Variants in AAMP observed in about 807,000 individuals in gnomAD.
The protein encoded by AAMP is angio-associated migratory cell protein.
A neutral mutation model predicts 51.1 loss-of-function variants in AAMP; 12 were observed. The ratio of observed to expected loss-of-function variants is 0.23; its 90% CI spans 0.15 to 0.38. The LOEUF (loss-of-function observed/expected upper bound fraction) is 0.38, where lower values mean the gene tolerates loss of function less well. AAMP is among the 10% of genes least tolerant of loss of function. The pLI, the probability that AAMP is intolerant of heterozygous loss-of-function variation, is 1.00. For missense variants in AAMP, 418 were observed against 557.2 expected (o/e 0.75, Z 2.52); for synonymous variants, 210 against 218.7 (o/e 0.96, Z 0.35).
rs768828659 is a variant in AAMP at position 218,269,625 on chromosome 2, A to G, written c.122-91T>C. On this transcript the variant is annotated intron_variant, in intron 1 of 10. Coordinates refer to ENST00000248450, the MANE Select transcript of AAMP (RefSeq NM_001087.5). ...AGGAGGCCTGAGGCTGGGGCGGGTC[A>G]TGTGGCGAGAAGGGAAGGTGGAGTC... 10 of 1,600,910 alleles carry G rather than the reference A, an allele frequency of 6.2e-6. No individual in the cohort carries two copies. The African/African-American group carries it at 9.4e-5, about 15-fold the overall frequency.
rs765066264 is a variant in AAMP at position 218,266,081 on chromosome 2, G to T, written c.746C>A (p.Pro249His). Residue 249 changes from proline to histidine, a missense_variant, in exon 6 of 11, where the codon CCT (proline) becomes CAT (histidine). Pro to His is a moderately conservative substitution (Grantham distance 77). Coordinates refer to ENST00000248450, the MANE Select transcript of AAMP (RefSeq NM_001087.5). This position sits in a 1 kb window ranked among gnomAD's most constrained non-coding sequence, Gnocchi z 4.7. ...IRIWDLKQGS[P>H]IHVLKGTEGH... ...TCTGATACCTTTCAGTACATGGATA[G>T]GGCTTCCCTGCTTCAGGTCCCAAAT... 6.2e-7 allele frequency: 1 copy of T among 1,614,168 alleles called. No individual in the cohort carries two copies. The highest frequency in any genetic ancestry group is 8.5e-7 in the Non-Finnish European group (1 of 1,180,018).
Position 218,265,754 on chromosome 2 carries a change from G to C in AAMP, c.880-72C>G. The C allele has an allele frequency of 2.5e-6, 4 of 1,576,472 alleles. No homozygotes were observed. Among genetic ancestry groups the C allele is most frequent in the Non-Finnish European group, 2.6e-6 (3 of 1,149,038 alleles). ...GATGGAGAGAAAGACGGTGGGGAGA[G>C]GAGACAGTGAAGACCCAGGAAGGAA... On this transcript the variant is annotated intron_variant, in intron 7 of 10. Coordinates refer to ENST00000248450, the MANE Select transcript of AAMP (RefSeq NM_001087.5). The surrounding 1 kb of genome is among the most constrained non-coding windows in gnomAD (Gnocchi z 6.6).
At position 218,267,057 on chromosome 2, in the gene AAMP, G is replaced by T; in HGVS notation, c.395-71C>A. On this transcript the variant is annotated intron_variant, in intron 3 of 10. Transcript: ENST00000248450. The surrounding 1 kb of genome is among the most constrained non-coding windows in gnomAD (Gnocchi z 4.6). ...CTGGTGCTGGGGGCATGTGATTCTG[G>T]TATCTGGCCCACTGAAAGGACCAGC... The T allele has an allele frequency of 1.3e-6, 2 of 1,575,220 alleles. No homozygotes were observed. Among genetic ancestry groups the T allele is most frequent in the Admixed American group, 3.5e-5 (2 of 57,948 alleles).
Position 218,266,433 on chromosome 2 carries a change from G to A in AAMP, c.679+10C>T. Reference sequence around the variant, plus strand: ...ACCCAGGAAAGGTCACTCAAGGGAGGTGCTCTCACCATCAGGGAGGACTCG... The same window carrying A: ...ACCCAGGAAAGGTCACTCAAGGGAGATGCTCTCACCATCAGGGAGGACTCG... On this transcript the variant is annotated intron_variant, in intron 5 of 10. Coordinates refer to ENST00000248450, the MANE Select transcript of AAMP (RefSeq NM_001087.5). This position sits in a 1 kb window ranked among gnomAD's most constrained non-coding sequence, Gnocchi z 4.7. 1 of 1,613,166 alleles carries A rather than the reference G, an allele frequency of 6.2e-7. No individual in the cohort carries two copies. Among genetic ancestry groups the A allele is most frequent in the Non-Finnish European group, 8.5e-7 (1 of 1,179,334 alleles).
rs1292783614 is a variant in AAMP, at chr2:218,265,191, C to T, written c.1075-17G>A. ...GATGCCCGACTGCCCCGAGGAATGACAGAGGCAGGGCGGAGGTTGGCAGGA... is the reference window on the plus strand; with the variant it reads ...GATGCCCGACTGCCCCGAGGAATGATAGAGGCAGGGCGGAGGTTGGCAGGA... On this transcript the variant is annotated splice_polypyrimidine_tract_variant and intron_variant, in intron 9 of 10. Coordinates refer to ENST00000248450, the MANE Select transcript of AAMP (RefSeq NM_001087.5). This position sits in a 1 kb window ranked among gnomAD's most constrained non-coding sequence, Gnocchi z 6.6. The T allele has an allele frequency of 6.4e-7, 1 of 1,574,286 alleles. No homozygotes were observed. The highest frequency in any genetic ancestry group is 1.8e-5 in the Admixed American group (1 of 56,626).
rs753181072 is a variant in AAMP at position 218,269,488 on chromosome 2, C to T, written c.168G>A (p.Glu56=). 2 of 1,614,248 alleles carry T rather than the reference C, an allele frequency of 1.2e-6. No homozygotes were observed. The highest frequency in any genetic ancestry group is 1.1e-5 in the South Asian group (1 of 91,084). Residue 56 remains glutamate (E), a synonymous_variant, in exon 2 of 11, where the codon GAG becomes GAA. Coordinates refer to ENST00000248450, the MANE Select transcript of AAMP (RefSeq NM_001087.5). ...AGCCCTCTTCGTTGCCCTCTTCCTC[C>T]TCTTCTTCCTCAAAGTCCACATCTT... The part of the protein sequence containing the change: ...EMEDVDFEEE[E]EEEGNEEGWV...
rs1190106877 is a variant in AAMP at position 218,265,280 on chromosome 2, A to G, written c.1074+91T>C. On this transcript the variant is annotated intron_variant, in intron 9 of 10. Transcript: ENST00000248450. This position sits in a 1 kb window ranked among gnomAD's most constrained non-coding sequence, Gnocchi z 6.6. ...CAGCCACACACAAGGGCCAGGCAGG[A>G]GCCAGATCTGGGGTAGATGCTCCTG... 6.5e-7 allele frequency: 1 copy of G among 1,549,046 alleles called. No individual in the cohort carries two copies. Among genetic ancestry groups the G allele is most frequent in the African/African-American group, 1.4e-5 (1 of 73,484 alleles).
rs1416232982 is a variant in AAMP at position 218,269,953 on chromosome 2, C to G, written c.121+13G>C. 5.0e-6 allele frequency: 8 copies of G among 1,613,832 alleles called. No homozygotes were observed. The highest frequency in any genetic ancestry group is 6.8e-6 in the Non-Finnish European group (8 of 1,179,924). On this transcript the variant is annotated intron_variant, in intron 1 of 10. Coordinates refer to ENST00000248450, the MANE Select transcript of AAMP (RefSeq NM_001087.5). ...GTCTCCTGTCCCATGGCCTGAGGAGCGGCAGTTCTCACCTGGGTCCGGCGG... is the reference window on the plus strand; with the variant it reads ...GTCTCCTGTCCCATGGCCTGAGGAGGGGCAGTTCTCACCTGGGTCCGGCGG...
In AAMP at chr2:218,266,900, A is replaced by T. The variant is rs138058625; in HGVS notation, c.481T>A (p.Trp161Arg). Residue 161 changes from tryptophan to arginine, a missense_variant, in exon 4 of 11, where the codon TGG (tryptophan) becomes AGG (arginine). Physicochemically the swap from Trp to Arg is moderately radical, Grantham distance 101. Transcript: ENST00000248450. This position sits in a 1 kb window ranked among gnomAD's most constrained non-coding sequence, Gnocchi z 4.7. ...ACCTCCTCCTTAGTGTCCACCTGCCACACTTTCAAGAGGCCACTCATGTCC... is the reference window on the plus strand; with the variant it reads ...ACCTCCTCCTTAGTGTCCACCTGCCTCACTTTCAAGAGGCCACTCATGTCC... Reference protein sequence around the residue: ...TGDMSGLLKVWQVDTKEEVWS... With the variant: ...TGDMSGLLKVRQVDTKEEVWS... 155 of 1,614,008 alleles carry T rather than the reference A, an allele frequency of 9.6e-5. No homozygotes were observed. Among genetic ancestry groups the T allele is most frequent in the Non-Finnish European group, 1.2e-4 (143 of 1,180,034 alleles).
intron 1 of AAMP, 102 bp from the exon 2 acceptor site, chr2:218,269,636 AG>A: frequency 6.3e-7 from 1 of 1,587,612 alleles, no homozygotes; most frequent in Non-Finnish European, 8.6e-7. Flanking sequence ...TGTGGCGAGA[AG>A]GGAAGGTGGA....
At position 218,269,765 on chromosome 2, in the gene AAMP, G is replaced by T. The variant is rs1034158331; in HGVS notation, c.121+201C>A. 2.4e-5 allele frequency: 24 copies of T among 1,001,294 alleles called. No homozygotes were observed. The Admixed American group carries it at 4.9e-4, about 20-fold the overall frequency. 62.0% of individuals were successfully genotyped at this position (1,001,294 alleles called of 1,614,324 possible). A position where few individuals can be genotyped will look rare whatever the true frequency, so the allele number is the denominator to read the frequency against. On this transcript the variant is annotated intron_variant, in intron 1 of 10. Transcript: ENST00000248450. ...ATGATGGGAAGGGGGTGTGTGAGGG[G>T]AAGGGCCAGAGGAGGCGTCAGGGAA...
At position 218,265,005 on chromosome 2, in the gene AAMP, G is replaced by A. The variant is rs1690587473; in HGVS notation, c.1229+15C>T. 6.2e-7 allele frequency: 1 copy of A among 1,613,504 alleles called. No homozygotes were observed. Among genetic ancestry groups the A allele is most frequent in the South Asian group, 1.1e-5 (1 of 91,090 alleles). On this transcript the variant is annotated intron_variant, in intron 10 of 10. Coordinates refer to ENST00000248450, the MANE Select transcript of AAMP (RefSeq NM_001087.5). The surrounding 1 kb of genome is among the most constrained non-coding windows in gnomAD (Gnocchi z 6.6). Reference sequence around the variant, plus strand: ...CAAATACACAAAGATCCCAGCCCTTGGCCAATTCACTTACTTGCTGAGGGC... The same window carrying A: ...CAAATACACAAAGATCCCAGCCCTTAGCCAATTCACTTACTTGCTGAGGGC...
Position 218,269,301 on chromosome 2 carries a change from A to G in AAMP, c.274+81T>C. 5 of 1,565,172 alleles carry G rather than the reference A, an allele frequency of 3.2e-6. No individual in the cohort carries two copies. The South Asian group carries it at 5.6e-5, about 17-fold the overall frequency. ...CATCTTGCCCATCTCTGTGTCCCCC[A>G]TAACGTTCTGTCCATGGCTGATGTT... On this transcript the variant is annotated intron_variant, in intron 2 of 10. Coordinates refer to ENST00000248450, the MANE Select transcript of AAMP (RefSeq NM_001087.5).
rs1474627664 is a variant in AAMP, at chr2:218,264,587, G to A, written c.1251C>T (p.Thr417=). 1 of 1,613,950 alleles carries A rather than the reference G, an allele frequency of 6.2e-7. No individual in the cohort carries two copies. Among genetic ancestry groups the A allele is most frequent in the East Asian group, 2.2e-5 (1 of 44,886 alleles). ...CTTTCGCTTTGTGGTCTCCTGACGT[G>A]GTCACCACCAGGGAGGCATCTCTGT... ...ALSKDASLVV[T]TSGDHKAKVF... Residue 417 remains threonine (T), a synonymous_variant, in exon 11 of 11, where the codon ACC becomes ACT. Coordinates refer to ENST00000248450, the MANE Select transcript of AAMP (RefSeq NM_001087.5).
Position 218,270,124 on chromosome 2 carries a change from C to T in AAMP, c.-38G>A, listed in dbSNP as rs995470973. The T allele has an allele frequency of 3.7e-6, 6 of 1,610,016 alleles. No homozygotes were observed. In the South Asian group the frequency reaches 4.4e-5, roughly 12 times the overall value. On this transcript the variant is annotated 5_prime_UTR_variant, in exon 1 of 11. Transcript: ENST00000248450. ...GCGGATCCACTTCTCTGGGCCCAAACGCCTCCCAGAGTCAGCTCTGCGCGA... is the reference window on the plus strand; with the variant it reads ...GCGGATCCACTTCTCTGGGCCCAAATGCCTCCCAGAGTCAGCTCTGCGCGA...
chr2:218,264,687 A>G, intron 10 of AAMP, 79 bp from the exon 11 acceptor site: 1 of 1,267,752 alleles, frequency 7.9e-7, no homozygotes, highest in Non-Finnish European at 1.2e-6. Flanking sequence ...GGGCTCCTCC[A>G]GCACACCCTC....
chr2:218,265,695 G>A lies in AAMP; in HGVS notation c.880-13C>T. 1.2e-6 allele frequency: 2 copies of A among 1,610,030 alleles called. No homozygotes were observed. Among genetic ancestry groups the A allele is most frequent in the Non-Finnish European group, 1.7e-6 (2 of 1,178,188 alleles). On this transcript the variant is annotated splice_polypyrimidine_tract_variant and intron_variant, in intron 7 of 10. Coordinates refer to ENST00000248450, the MANE Select transcript of AAMP (RefSeq NM_001087.5). This position sits in a 1 kb window ranked among gnomAD's most constrained non-coding sequence, Gnocchi z 6.6. Reference sequence around the variant, plus strand: ...AAACACCCACCACCTGAAAGCCAGAGAGGATCAGAGGAGGACACGGAATCC... The same window carrying A: ...AAACACCCACCACCTGAAAGCCAGAAAGGATCAGAGGAGGACACGGAATCC...
rs368077868 is a variant in AAMP, at chr2:218,265,500, T to A, written c.984-39A>T. On this transcript the variant is annotated intron_variant, in intron 8 of 10. Transcript: ENST00000248450. This position sits in a 1 kb window ranked among gnomAD's most constrained non-coding sequence, Gnocchi z 6.6. Reference sequence around the variant, plus strand: ...CGTACCATGAAGACTCATGAGGGCCTGGACTCACACGCCCTGCCGTCCTCC... The same window carrying A: ...CGTACCATGAAGACTCATGAGGGCCAGGACTCACACGCCCTGCCGTCCTCC... The A allele has an allele frequency of 2.5e-6, 4 of 1,573,720 alleles. No homozygotes were observed. The African/African-American group carries it at 5.4e-5, about 21-fold the overall frequency.
At position 218,269,978 on chromosome 2, in the gene AAMP, G is replaced by T; in HGVS notation, c.109C>A (p.Pro37Thr). 1 of 1,614,100 alleles carries T rather than the reference G, an allele frequency of 6.2e-7. No individual in the cohort carries two copies. The highest frequency in any genetic ancestry group is 1.1e-5 in the South Asian group (1 of 91,076). The change falls in exon 1 of 11, where the codon CCG becomes ACG. Residue 37 changes from proline (P) to threonine (T), a missense_variant. By Grantham distance (38) the Pro-to-Thr change is conservative. Transcript: ENST00000248450. ...CGGCAGTTCTCACCTGGGTCCGGCGGACCGGGATCAAGTTCTACCACCTCG... is the reference window on the plus strand; with the variant it reads ...CGGCAGTTCTCACCTGGGTCCGGCGTACCGGGATCAAGTTCTACCACCTCG... Reference protein sequence around the residue: ...IIEVVELDPGPPDPDDLAQEM... With the variant: ...IIEVVELDPGTPDPDDLAQEM...
Sources: gnomAD v4.1 joint callset for allele counts on GRCh38, gnomAD v4.1.1 for gene constraint, Gnocchi (gnomAD v3.1) non-coding constraint, MANE v1.5 for transcripts, NCBI Gene and HGNC (gene_info 2026-07-23, HGNC 2026-07-21) for gene names.